PPP1CB: variants seen among roughly 807,000 people sequenced by gnomAD.
The protein encoded by PPP1CB is serine/threonine-protein phosphatase PP1-beta catalytic subunit.
Under a neutral mutation model 43.7 loss-of-function variants are expected in PPP1CB, and 2 were observed. The ratio of observed to expected loss-of-function variants is 0.05; its 90% confidence interval spans 0.02 to 0.14. The LOEUF (loss-of-function observed/expected upper bound fraction) is 0.14. Among genes scored for constraint, PPP1CB ranks in the 10% least tolerant of loss-of-function variants. The pLI is 1.00. For missense variants in PPP1CB, 84 were observed against 398.0 expected, an observed-to-expected ratio of 0.21 and a Z score of 6.71; for synonymous variants, 136 against 135.6, an observed-to-expected ratio of 1.00 and a Z score of -0.02.
At chr2:28,767,276 T>C (rs945916191) in intron 1 of PPP1CB, among the ~76,000 whole-genome samples, 2 of 152,190 alleles carry the variant, frequency 1.3e-5, no homozygotes, top group African/African-American at 4.8e-5. Flanking sequence ...TTTAATTTTT[T>C]AAAAAGTTCC....
intron 6 of PPP1CB, among the ~76,000 whole-genome samples, chr2:28,793,336 G>GTAA (rs1311275220): frequency 6.6e-6 from 1 of 152,220 alleles, no homozygotes; most frequent in Non-Finnish European, 1.5e-5. Context: ...GTGTAGCCAT[G>GTAA]TAATAATAAT....
At chr2:28,776,526 C>T (rs987779197) in intron 1 of PPP1CB, among the ~76,000 whole-genome samples, 3 of 152,098 alleles carry the variant, frequency 2.0e-5, no homozygotes, top group African/African-American at 7.2e-5. Context: ...TCCCAAGGTG[C>T]TGGGATTACA....
At chr2:28,790,408 C>T (rs753160319) in intron 6 of PPP1CB, among the ~76,000 whole-genome samples, 1 of 152,116 alleles carries the variant, frequency 6.6e-6, no homozygotes, top group African/African-American at 2.4e-5. Flanking sequence ...GGCATGATCT[C>T]GGCTCACTGC....
chr2:28,757,253 C>T (rs1216505797), intron 1 of PPP1CB, among the ~76,000 whole-genome samples: 1 of 152,108 alleles, frequency 6.6e-6, no homozygotes, highest in African/African-American at 2.4e-5. Context: ...TGTATGTATA[C>T]ACCACATTTT....
chr2:28,752,991 C>G (rs1214588994), intron 1 of PPP1CB, among the ~76,000 whole-genome samples: 2 of 152,144 alleles, frequency 1.3e-5, no homozygotes, highest in African/African-American at 4.8e-5. Context: ...TTTCCGGGCT[C>G]AAGTGTTCTT....
intron 1 of PPP1CB, among the ~76,000 whole-genome samples, chr2:28,772,073 T>A (rs1666926399): frequency 6.6e-6 from 1 of 152,020 alleles, no homozygotes; most frequent in Non-Finnish European, 1.5e-5. Context: ...TCCCAGCACT[T>A]TGGGAGGCCA....
At chr2:28,766,593 A>G (rs927453927) in intron 1 of PPP1CB, among the ~76,000 whole-genome samples, 14 of 152,202 alleles carry the variant, frequency 9.2e-5, no homozygotes, top group African/African-American at 3.1e-4. Context: ...TAGATTATTT[A>G]TAGAGGGTAA....
chr2:28,785,065 C>CTTTTTTTTTT lies in PPP1CB; in HGVS notation c.592+1106_592+1115dup, dbSNP rs769650329. On this transcript the variant is annotated intron_variant, in intron 5 of 7. Coordinates refer to ENST00000395366, the MANE Select transcript of PPP1CB (RefSeq NM_002709.3). The stretch of plus-strand genomic sequence containing the variant: ...ATGTTGTAATAAATTGTGTTAGGAG[C>CTTTTTTTTTT]TTTTTTTTTTTTTTTTTTTTTTTTT... Among the ~76,000 whole-genome samples the CTTTTTTTTTT allele has an allele frequency of 5.4e-3, 295 of 54,994 alleles. 62 individuals carry two copies. The highest frequency in any genetic ancestry group is 7.2e-3 in the Non-Finnish European group (207 of 28,690). 36.1% of individuals were successfully genotyped at this position (54,994 alleles called of 152,430 possible).
In PPP1CB at chr2:28,766,836, C is replaced by T. The variant is rs2148041346; in HGVS notation, c.53-10015C>T. Among the ~76,000 whole-genome samples, 4 of 152,288 alleles carry T rather than the reference C, an allele frequency of 2.6e-5. 1 individual carries two copies. The highest frequency in any genetic ancestry group is 2.6e-4 in the Admixed American group (4 of 15,306). The stretch of plus-strand genomic sequence containing the variant: ...GTGGCTCACGCCTGTAATCCCAGCA[C>T]TTTGGGAGGCCAAGGCAGGCAGATC... On this transcript the variant is annotated intron_variant, in intron 1 of 7. Transcript: ENST00000395366.
intron 4 of PPP1CB, 116 bp from the exon 5 acceptor site, chr2:28,783,791 C>T (rs1374019616): frequency 1.1e-5 from 7 of 661,526 alleles, no homozygotes; most frequent in African/African-American, 9.4e-5. Context: ...GAACACTTTT[C>T]AGTATCTTTA....
At chr2:28,787,595 C>T (rs1200438317) in intron 5 of PPP1CB, among the ~76,000 whole-genome samples, 2 of 152,222 alleles carry the variant, frequency 1.3e-5, no homozygotes, top group Non-Finnish European at 2.9e-5. Flanking sequence ...CACCAAGAAA[C>T]TTGCATTGAG....
intron 3 of PPP1CB, among the ~76,000 whole-genome samples, chr2:28,779,288 G>A (rs1446570817): frequency 6.6e-6 from 1 of 152,156 alleles, no homozygotes; most frequent in Non-Finnish European, 1.5e-5. Flanking sequence ...AGTTTATCTA[G>A]TAAACTATCC....
At chr2:28,754,779 T>C (rs933997347) in intron 1 of PPP1CB, among the ~76,000 whole-genome samples, 2 of 152,232 alleles carry the variant, frequency 1.3e-5, no homozygotes, top group Non-Finnish European at 2.9e-5. Flanking sequence ...TAAAGCTGCC[T>C]AGCAAGAATA....
intron 1 of PPP1CB, among the ~76,000 whole-genome samples, chr2:28,773,805 C>T (rs1251225839): frequency 6.6e-6 from 1 of 152,198 alleles, no homozygotes; most frequent in Non-Finnish European, 1.5e-5. Flanking sequence ...AAACTCTTGT[C>T]AGAGTTTTAA....
chr2:28,759,966 A>G (rs1051641891), intron 1 of PPP1CB, among the ~76,000 whole-genome samples: 1 of 151,146 alleles, frequency 6.6e-6, no homozygotes, highest in East Asian at 1.9e-4. Context: ...CGACTCAGGC[A>G]TGTCCTTCAG....
chr2:28,777,486 C>T (rs146216147), intron 2 of PPP1CB, among the ~76,000 whole-genome samples: 64 of 152,198 alleles, frequency 4.2e-4, no homozygotes, highest in African/African-American at 1.4e-3. Flanking sequence ...GTCAATATGG[C>T]GATATCTGTG....
intron 1 of PPP1CB, among the ~76,000 whole-genome samples, chr2:28,767,064 G>A (rs1026419486): frequency 1.3e-5 from 2 of 148,738 alleles, no homozygotes; most frequent in Non-Finnish European, 3.0e-5. Context: ...CTGGGCAACA[G>A]AGCAAGACTC....
At chr2:28,796,810 G>T (rs1035010164) in intron 7 of PPP1CB, among the ~76,000 whole-genome samples, 2 of 152,118 alleles carry the variant, frequency 1.3e-5, no homozygotes, top group Non-Finnish European at 2.9e-5. Flanking sequence ...TCAGTACTCT[G>T]TTGAATAGGG....
At chr2:28,752,300 C>A in intron 1 of PPP1CB, 124 bp downstream of exon 1, 1 of 938,544 alleles carries the variant, frequency 1.1e-6, no homozygotes, top group South Asian at 1.8e-5. Context: ...TCTGGGAGCG[C>A]GGCGCGGCGG....
Sources: allele counts gnomAD v4.1 joint callset (sites outside exome capture counted in the v4.1 genomes callset), GRCh38; gene constraint gnomAD v4.1.1; transcripts MANE v1.5; gene names NCBI Gene and HGNC (gene_info 2026-07-23, HGNC 2026-07-21).